MPP3: variants seen among roughly 807,000 people sequenced by gnomAD.
MPP3 encodes the protein MAGUK p55 subfamily member 3.
Under a neutral mutation model 80.7 loss-of-function variants are expected in MPP3, and 48 were observed. The ratio of observed to expected loss-of-function variants is 0.59; its 90% CI spans 0.47 to 0.76. The LOEUF (loss-of-function observed/expected upper bound fraction) is 0.76, where lower values mean the gene tolerates loss of function less well. Among genes scored for constraint, MPP3 ranks in the 30% least tolerant of loss-of-function variants. MPP3 has a pLI of 0.00. For synonymous variants in MPP3, 311 were observed against 297.6 expected, an observed-to-expected ratio of 1.04 and a Z score of -0.46; for missense variants, 620 against 763.0, an observed-to-expected ratio of 0.81 and a Z score of 2.21.
intron 12 of MPP3, 54 bp from the exon 13 acceptor site, chr17:43,816,751 C>T (rs558648907): frequency 3.1e-5 from 48 of 1,548,698 alleles, no homozygotes; most frequent in African/African-American, 1.5e-4. Flanking sequence ...GAAGCGGGGA[C>T]CCTGCGGCTG....
intron 19 of MPP3, among the ~76,000 whole-genome samples, chr17:43,803,814 C>T (rs1430117502): frequency 1.3e-5 from 2 of 152,142 alleles, no homozygotes; most frequent in Non-Finnish European, 2.9e-5. Context: ...TGTTGAACAG[C>T]CTCACTGTGA....
chr17:43,804,251 G>A (rs1464136313), intron 19 of MPP3, among the ~76,000 whole-genome samples: 1 of 152,138 alleles, frequency 6.6e-6, no homozygotes, highest in East Asian at 1.9e-4. Context: ...AAAGGACCCA[G>A]AATAGCCAAA....
intron 16 of MPP3, chr17:43,811,479 A>T (rs1465491906): frequency 9.8e-6 from 4 of 409,892 alleles, no homozygotes; most frequent in Non-Finnish European, 1.8e-5. Flanking sequence ...GTGCACAGTG[A>T]CCCACAACCA....
At chr17:43,831,999 C>A in intron 2 of MPP3, 56 bp from the exon 3 acceptor site, 1 of 1,099,000 alleles carries the variant, frequency 9.1e-7, no homozygotes, top group Non-Finnish European at 1.4e-6. Flanking sequence ...ATTTATTGAA[C>A]AAACTGACTA....
Position 43,809,045 on chromosome 17 carries a change from G to T in MPP3, c.1492C>A (p.Pro498Thr). 6.2e-7 allele frequency: 1 copy of T among 1,602,598 alleles called. No individual in the cohort carries two copies. The highest frequency in any genetic ancestry group is 1.8e-5 in the Admixed American group (1 of 56,744). Reference protein sequence around the residue: ...LKQLRTSEFKPYIIFVKPAIQ... With the variant: ...LKQLRTSEFKTYIIFVKPAIQ... Reference sequence around the variant, plus strand: ...GCAGGCTTTACAAATATAATATAGGGTTTAAATTCTGAGGTCCTCAGTTGT... The same window carrying T: ...GCAGGCTTTACAAATATAATATAGGTTTTAAATTCTGAGGTCCTCAGTTGT... Residue 498 changes from proline to threonine, a missense_variant, in exon 19 of 20, where the codon CCC becomes ACC. Physicochemically the swap from Pro to Thr is conservative, Grantham distance 38. Coordinates refer to ENST00000398389, the MANE Select transcript of MPP3 (RefSeq NM_001932.6).
chr17:43,818,021 G>A lies in MPP3; in HGVS notation c.946+25C>T, dbSNP rs755868501. The A allele has an allele frequency of 9.0e-6, 14 of 1,561,876 alleles. No individual in the cohort carries two copies. The South Asian group carries it at 1.7e-4, about 18-fold the overall frequency. On this transcript the variant is annotated intron_variant, in intron 12 of 19. Coordinates refer to ENST00000398389, the MANE Select transcript of MPP3 (RefSeq NM_001932.6). The stretch of plus-strand genomic sequence containing the variant: ...GCCCTAACCCCGGGCCCTCCCTGGA[G>A]TGCCATCCCTGACAATCTACTCACA...
At chr17:43,819,011 A>G (rs1210134687) in intron 11 of MPP3, 2 of 152,050 alleles carry the variant, frequency 1.3e-5, no homozygotes, top group Non-Finnish European at 2.9e-5. Context: ...TGTGAACCCT[A>G]AAATGGAGAT....
rs779115374 is a variant in MPP3, at chr17:43,814,378, G to A, written c.1010-17C>T. 60 of 1,585,268 alleles carry A rather than the reference G, an allele frequency of 3.8e-5. No individual in the cohort carries two copies. The East Asian group carries it at 1.3e-3, about 35-fold the overall frequency. ...GAAGACCAGCTTGGGAGGAGGGGCAGAGGGACACCATGGCATTTGTCCCAG... is the reference window on the plus strand; with the variant it reads ...GAAGACCAGCTTGGGAGGAGGGGCAAAGGGACACCATGGCATTTGTCCCAG... On this transcript the variant is annotated splice_polypyrimidine_tract_variant and intron_variant, in intron 14 of 19. Transcript: ENST00000398389.
chr17:43,822,741 C>T (rs539264197), intron 10 of MPP3, among the ~76,000 whole-genome samples: 1 of 147,746 alleles, frequency 6.8e-6, no homozygotes, highest in South Asian at 2.2e-4. Context: ...GTGGGATGCC[C>T]TCCCATATGC....
In MPP3 at chr17:43,829,715, T is replaced by A. The variant is rs2045873386; in HGVS notation, c.380A>T (p.Asp127Val). ...CACCGATTCCTCATCAAAATCCTCA[T>A]CGATATTGTCAGGCAGAGGCGGGAG... ...PVLPPLPDNI[D>V]EDFDEESVKI... The change falls in exon 7 of 20, where the codon GAT becomes GTT. Residue 127 changes from aspartate to valine, a missense_variant. Physicochemically the swap from Asp to Val is radical, Grantham distance 152 (BLOSUM62 -3). Coordinates refer to ENST00000398389, the MANE Select transcript of MPP3 (RefSeq NM_001932.6). The A allele has an allele frequency of 6.2e-7, 1 of 1,613,970 alleles. No homozygotes were observed. The highest frequency in any genetic ancestry group is 1.6e-4 in the Middle Eastern group (1 of 6,062).
chr17:43,813,374 G>A (rs1020627817), intron 16 of MPP3, among the ~76,000 whole-genome samples: 5 of 152,208 alleles, frequency 3.3e-5, no homozygotes, highest in Admixed American at 6.5e-5. Flanking sequence ...CTGACGCAGG[G>A]CACTACACAT....
At chr17:43,819,469 C>T (rs1409447336) in intron 11 of MPP3, among the ~76,000 whole-genome samples, 1 of 152,250 alleles carries the variant, frequency 6.6e-6, no homozygotes, top group Non-Finnish European at 1.5e-5. Context: ...CTCTGAGAAG[C>T]CTTCCCTGCA....
chr17:43,806,150 C>T (rs1269832906), intron 19 of MPP3, among the ~76,000 whole-genome samples: 2 of 142,948 alleles, frequency 1.4e-5, no homozygotes, highest in South Asian at 2.2e-4. Context: ...CAACACATGG[C>T]TTTTATTTAT....
In MPP3 at chr17:43,819,895, G is replaced by C. The variant is rs141313491; in HGVS notation, c.881+967C>G. Among the ~76,000 whole-genome samples the C allele has an allele frequency of 2.9e-3, 445 of 151,886 alleles. 2 individuals are homozygous for C. The highest frequency in any genetic ancestry group is 4.7e-3 in the Admixed American group (71 of 15,262). ...GCAGTTTAGATAAGGGTGAGACGTGGGGAATTTCCTTTCATAGTCCTCCTC... is the reference window on the plus strand; with the variant it reads ...GCAGTTTAGATAAGGGTGAGACGTGCGGAATTTCCTTTCATAGTCCTCCTC... On this transcript the variant is annotated intron_variant, in intron 11 of 19. Transcript: ENST00000398389.
chr17:43,814,069 G>T lies in MPP3; in HGVS notation c.1197C>A (p.His399Gln). 1.2e-6 allele frequency: 2 copies of T among 1,613,062 alleles called. No homozygotes were observed. The highest frequency in any genetic ancestry group is 1.7e-6 in the Non-Finnish European group (2 of 1,179,318). Residue 399 changes from histidine to glutamine, a missense_variant, in exon 16 of 20, where the codon CAC (histidine) becomes CAA (glutamine). His to Gln is a conservative substitution (Grantham distance 24). Coordinates refer to ENST00000398389, the MANE Select transcript of MPP3 (RefSeq NM_001932.6). ...CAGCCACCACCTTTTGCTTCAGCTC[G>T]TGCAGTCGGGCTCCCAGAGACCCTG... The part of the protein sequence containing the change: ...VLIGSLGARL[H>Q]ELKQKVVAEN...
At chr17:43,821,165 C>A in intron 10 of MPP3, 107 bp from the exon 11 acceptor site, 3 of 1,038,778 alleles carry the variant, frequency 2.9e-6, no homozygotes, top group Non-Finnish European at 4.3e-6. Context: ...TTAGGAGGAC[C>A]AAGTGGCCTT....
chr17:43,821,713 G>C (rs973347306), intron 10 of MPP3, among the ~76,000 whole-genome samples: 26 of 152,076 alleles, frequency 1.7e-4, no homozygotes, highest in African/African-American at 5.6e-4. Flanking sequence ...TGTTCTCTTC[G>C]ATAATTTAGT....
In MPP3 at chr17:43,831,603, G is replaced by A. The variant is rs376910356; in HGVS notation, c.100C>T (p.Leu34=). 9 of 1,613,840 alleles carry A rather than the reference G, an allele frequency of 5.6e-6. No homozygotes were observed. The highest frequency in any genetic ancestry group is 7.6e-6 in the Non-Finnish European group (9 of 1,179,896). ...DSNHKEEMGF[L]RDVFSEKSLS... is the part of the protein sequence containing the mutation. Reference sequence around the variant, plus strand: ...CTTTTTTCACTGAAAACATCCCTCAGGAAGCCCATCTCCTCCTTGTGGTTG... The same window carrying A: ...CTTTTTTCACTGAAAACATCCCTCAAGAAGCCCATCTCCTCCTTGTGGTTG... Residue 34 remains leucine (L), a synonymous_variant, in exon 4 of 20, where the codon CTG becomes TTG. Coordinates refer to ENST00000398389, the MANE Select transcript of MPP3 (RefSeq NM_001932.6).
intron 3 of MPP3, 53 bp from the exon 4 acceptor site, chr17:43,831,730 C>T (rs370749812): frequency 3.3e-5 from 49 of 1,502,846 alleles, no homozygotes; most frequent in East Asian, 2.0e-4. Flanking sequence ...GTGCTCCCTG[C>T]CCCCGAGGAG....
Sources: gnomAD v4.1 joint callset for allele counts (sites outside exome capture counted in the v4.1 genomes callset) on GRCh38, gnomAD v4.1.1 for gene constraint, MANE v1.5 for transcripts, NCBI Gene and HGNC (gene_info 2026-07-23, HGNC 2026-07-21) for gene names.